Variants in GLI2 observed in about 807,000 individuals in gnomAD.
GLI2 encodes GLI family zinc finger 2, also known as transcription activator GLI2.
In GLI2, 22 loss-of-function variants were observed where a neutral mutation model predicts 78.9. The ratio of observed to expected loss-of-function variants is 0.28; its 90% confidence interval spans 0.20 to 0.40. The LOEUF (loss-of-function observed/expected upper bound fraction) is 0.40. Among genes scored for constraint, GLI2 ranks in the 10% least tolerant of loss-of-function variants. The pLI, the probability that GLI2 is intolerant of heterozygous loss-of-function variation, is 1.00. For synonymous variants in GLI2, 974 were observed against 963.7 expected (o/e 1.01, Z -0.20); for missense variants, 2,097 against 2,213.2 (o/e 0.95, Z 1.05).
chr2:120,754,251 T>C (rs1682972797), intron 1 of GLI2, among the ~76,000 whole-genome samples: 1 of 152,206 alleles, frequency 6.6e-6, no homozygotes, highest in Non-Finnish European at 1.5e-5. Flanking sequence ...CAGGGAGTGT[T>C]ATCAAACTTG....
intron 2 of GLI2, among the ~76,000 whole-genome samples, chr2:120,851,136 TAAA>T (rs763716712): frequency 6.6e-6 from 1 of 152,124 alleles, no homozygotes; most frequent in Admixed American, 6.5e-5. Flanking sequence ...TAGATTTTTT[TAAA>T]AAAAGAAAAA....
intron 3 of GLI2, among the ~76,000 whole-genome samples, chr2:120,932,813 G>A (rs1293267658): frequency 5.9e-5 from 9 of 152,184 alleles, no homozygotes; most frequent in Admixed American, 5.9e-4. Context: ...GGGAGACTGG[G>A]TGGCAGAGGC....
chr2:120,838,592 C>T (rs1374016231), intron 2 of GLI2, among the ~76,000 whole-genome samples: 2 of 152,070 alleles, frequency 1.3e-5, no homozygotes, highest in Non-Finnish European at 2.9e-5. Flanking sequence ...TGTCTTAGTC[C>T]ACTTTGTGTT....
chr2:120,972,554 G>C, intron 8 of GLI2: 2 of 483,056 alleles, frequency 4.1e-6, no homozygotes, highest in Non-Finnish European at 8.3e-6. Context: ...CTAGCTCAGG[G>C]GTCACTTCAG....
intron 2 of GLI2, among the ~76,000 whole-genome samples, chr2:120,905,047 A>G (rs1678453000): frequency 6.6e-6 from 1 of 152,228 alleles, no homozygotes; most frequent in Non-Finnish European, 1.5e-5. Flanking sequence ...GAAACTTGCC[A>G]GTTGGTACCG....
At chr2:120,882,662 G>A (rs1391320644) in intron 2 of GLI2, among the ~76,000 whole-genome samples, 1 of 152,180 alleles carries the variant, frequency 6.6e-6, no homozygotes, top group Non-Finnish European at 1.5e-5. Flanking sequence ...CTGGACATGT[G>A]GATCTGACCG....
intron 3 of GLI2, among the ~76,000 whole-genome samples, chr2:120,949,049 A>T (rs891104326): frequency 2.0e-5 from 3 of 152,096 alleles, no homozygotes; most frequent in African/African-American, 7.2e-5. Context: ...GTTGTCTCAG[A>T]GCCTTCTCTT....
In GLI2 at chr2:120,926,072, CAAAAAAAAAAAA is replaced by C. The variant is rs35224973; in HGVS notation, c.149-1273_149-1262del. 1.4e-4 allele frequency among the ~76,000 whole-genome samples: 9 copies of C among 63,236 alleles called. No individual in the cohort carries two copies. In the East Asian group the frequency reaches 5.0e-3, roughly 35 times the overall value. 41.5% of individuals were successfully genotyped at this position (63,236 alleles called of 152,430 possible). A position where few individuals can be genotyped will look rare whatever the true frequency, so the allele number is the denominator to read the frequency against. ...TGGGTGACAGAGCGAGACTCCGTCT[CAAAAAAAAAAAA>C]AAAAAAAAAAAAAAAGATTTAAATG... is the stretch of plus-strand genomic sequence containing the variant. On this transcript the variant is annotated intron_variant, in intron 2 of 13. Transcript: ENST00000361492.
intron 3 of GLI2, among the ~76,000 whole-genome samples, chr2:120,931,069 G>T (rs10864865): frequency 0.83 from 125,784 of 152,262 alleles, 54,651 homozygotes; most frequent in East Asian, 1. Context: ...AGATTCCTAA[G>T]GCTGCTGTAA....
intron 3 of GLI2, among the ~76,000 whole-genome samples, chr2:120,937,217 C>G (rs924257380): frequency 1.3e-5 from 2 of 152,176 alleles, no homozygotes; most frequent in African/African-American, 4.8e-5. Flanking sequence ...ACTGGGGATA[C>G]GGGCCCAAGG....
At chr2:120,950,345 C>T (rs1447905362) in intron 3 of GLI2, among the ~76,000 whole-genome samples, 1 of 152,258 alleles carries the variant, frequency 6.6e-6, no homozygotes, top group South Asian at 2.1e-4. Context: ...TTTGCAGCTG[C>T]TTCACCATAA....
intron 3 of GLI2, among the ~76,000 whole-genome samples, chr2:120,938,939 C>A (rs989136552): frequency 1.7e-4 from 6 of 35,844 alleles, no homozygotes; most frequent in African/African-American, 2.1e-4. Flanking sequence ...ACCCAGCCAT[C>A]CTTTTAAAAA....
intron 2 of GLI2, among the ~76,000 whole-genome samples, chr2:120,878,475 G>C (rs909236381): frequency 3.3e-5 from 5 of 152,122 alleles, no homozygotes; most frequent in African/African-American, 1.2e-4. Context: ...TATGGACTGA[G>C]ACAGTATGAA....
rs749924102 is a variant in GLI2 at position 120,896,222 on chromosome 2, C to G, written c.149-31139C>G. On this transcript the variant is annotated intron_variant, in intron 2 of 13. Coordinates refer to ENST00000361492, the MANE Select transcript of GLI2 (RefSeq NM_001374353.1). ...AGATTTCTCCCTCCCTTCTTTCCCC[C>G]ACCCTCTCTCCGCCCCACCCTGAGG... 9.6e-4 allele frequency among the ~76,000 whole-genome samples: 146 copies of G among 152,118 alleles called. 1 individual carries two copies. Among genetic ancestry groups the G allele is most frequent in the Non-Finnish European group, 1.9e-3 (130 of 68,010 alleles).
intron 2 of GLI2, among the ~76,000 whole-genome samples, chr2:120,901,134 A>G (rs903670222): frequency 1.3e-5 from 2 of 152,202 alleles, no homozygotes; most frequent in South Asian, 2.1e-4. Flanking sequence ...CACTGCTGAC[A>G]TGGAATTCAC....
intron 2 of GLI2, among the ~76,000 whole-genome samples, chr2:120,820,757 G>A (rs1685731586): frequency 6.6e-6 from 1 of 152,164 alleles, no homozygotes. Flanking sequence ...TTTTCTAGTG[G>A]GAAGGGGACT....
rs547627886 is a variant in GLI2 at position 120,990,695 on chromosome 2, T to C, written c.*20T>C. 7 of 1,601,192 alleles carry C rather than the reference T, an allele frequency of 4.4e-6. No individual in the cohort carries two copies. In the African/African-American group the frequency reaches 8.0e-5, roughly 18 times the overall value. ...ACCTAGAGGCCCGAGCGCCTGGTGC[T>C]GAGTGCACCCGGAGGGGTCATCGCT... On this transcript the variant is annotated 3_prime_UTR_variant, in exon 14 of 14. Transcript: ENST00000361492.
intron 2 of GLI2, among the ~76,000 whole-genome samples, chr2:120,802,216 A>G (rs566750095): frequency 2.0e-5 from 3 of 152,310 alleles, no homozygotes; most frequent in South Asian, 4.1e-4. Context: ...GTTTCCACTT[A>G]GAGTCACTAT....
At chr2:120,901,953 A>C (rs1389569916) in intron 2 of GLI2, among the ~76,000 whole-genome samples, 1 of 152,196 alleles carries the variant, frequency 6.6e-6, no homozygotes, top group Non-Finnish European at 1.5e-5. Context: ...AATTTGCAGG[A>C]AATTCAGATT....
Sources: allele counts gnomAD v4.1 joint callset (sites outside exome capture counted in the v4.1 genomes callset), GRCh38; gene constraint gnomAD v4.1.1; transcripts MANE v1.5; gene names NCBI Gene and HGNC (gene_info 2026-07-23, HGNC 2026-07-21).